The following NOL10 variants were observed in gnomAD, a reference collection of about 807,000 sequenced individuals.
NOL10 encodes the protein H_NH0074G24.1.
In NOL10, 58 loss-of-function variants were observed where a neutral mutation model predicts 103.5. The observed-to-expected ratio is 0.56, with a 90% CI of 0.45 to 0.70. The LOEUF (loss-of-function observed/expected upper bound fraction) is 0.70. Among genes scored for constraint, NOL10 ranks in the 30% least tolerant of loss-of-function variants. The pLI is 0.00. For synonymous variants in NOL10, 287 were observed against 282.5 expected, an observed-to-expected ratio of 1.02 and a Z score of -0.16; for missense variants, 763 against 807.3, an observed-to-expected ratio of 0.95 and a Z score of 0.67.
intron 11 of NOL10, among the ~76,000 whole-genome samples, chr2:10,656,673 G>T (rs1320899284): frequency 6.6e-6 from 1 of 152,258 alleles, no homozygotes; most frequent in East Asian, 1.9e-4. Flanking sequence ...CTGGGCACAG[G>T]CAGCCCCCAC....
chr2:10,588,824 G>C (rs144294632), intron 19 of NOL10, among the ~76,000 whole-genome samples: 3 of 152,292 alleles, frequency 2.0e-5, no homozygotes, highest in Non-Finnish European at 2.9e-5. Context: ...ATCCCCTAGA[G>C]ACCAATGTAC....
At chr2:10,676,826 C>CG (rs1417794716) in intron 3 of NOL10, among the ~76,000 whole-genome samples, 14 of 151,290 alleles carry the variant, frequency 9.3e-5, no homozygotes, top group Non-Finnish European at 1.5e-5. Context: ...TTAGTAGAGA[C>CG]GGGGTATCAC....
At chr2:10,625,196 T>C (rs1677385493) in intron 13 of NOL10, among the ~76,000 whole-genome samples, 1 of 152,198 alleles carries the variant, frequency 6.6e-6, no homozygotes, top group South Asian at 2.1e-4. Flanking sequence ...TATGACCGTG[T>C]ATACATGTCA....
chr2:10,627,186 C>A (rs1677525732), intron 13 of NOL10, among the ~76,000 whole-genome samples: 1 of 152,178 alleles, frequency 6.6e-6, no homozygotes, highest in African/African-American at 2.4e-5. Flanking sequence ...TGCCTTGCTT[C>A]CCAGTTCATA....
At chr2:10,688,268 C>T (rs147979687) in intron 1 of NOL10, among the ~76,000 whole-genome samples, 1 of 152,288 alleles carries the variant, frequency 6.6e-6, no homozygotes, top group Non-Finnish European at 1.5e-5. Context: ...ACATTTGTCG[C>T]ACAGCAGCCC....
At chr2:10,642,435 C>A (rs771674730) in intron 13 of NOL10, among the ~76,000 whole-genome samples, 1 of 152,156 alleles carries the variant, frequency 6.6e-6, no homozygotes, top group African/African-American at 2.4e-5. Context: ...CATTCCCCTG[C>A]GGCAGCAAAA....
At chr2:10,657,657 C>T in intron 11 of NOL10, 85 bp downstream of exon 11, 1 of 1,189,722 alleles carries the variant, frequency 8.4e-7, no homozygotes, top group Non-Finnish European at 1.2e-6. Context: ...CCCAATAACC[C>T]ACATAAAAAA....
chr2:10,677,250 C>A (rs1460707086), intron 3 of NOL10, among the ~76,000 whole-genome samples: 1 of 152,028 alleles, frequency 6.6e-6, no homozygotes, highest in Non-Finnish European at 1.5e-5. Context: ...AACTTTGGCA[C>A]TTTGTAAGGC....
intron 20 of NOL10, among the ~76,000 whole-genome samples, chr2:10,574,017 CAA>C (rs34622987): frequency 0.25 from 37,578 of 152,026 alleles, 6,449 homozygotes; most frequent in African/African-American, 0.45. Flanking sequence ...TGAAACTGTG[CAA>C]AGTTTGGTCC....
chr2:10,665,938 G>A (rs1328642951), intron 8 of NOL10, among the ~76,000 whole-genome samples: 2 of 152,104 alleles, frequency 1.3e-5, no homozygotes, highest in East Asian at 1.9e-4. Flanking sequence ...TTGTTACACT[G>A]GTATATTGCA....
chr2:10,623,576 C>G (rs114123367), intron 13 of NOL10, among the ~76,000 whole-genome samples: 5,033 of 152,294 alleles, frequency 0.033, 288 homozygotes, highest in African/African-American at 0.12. Context: ...TCCTAGGCAG[C>G]AAGGCCCATC....
At chr2:10,599,384 T>A (rs569945997) in intron 17 of NOL10, among the ~76,000 whole-genome samples, 1 of 152,336 alleles carries the variant, frequency 6.6e-6, no homozygotes, top group East Asian at 1.9e-4. Flanking sequence ...TCCCTAATCA[T>A]GCTTAGGCTT....
chr2:10,593,064 C>T (rs1049046673), intron 17 of NOL10, among the ~76,000 whole-genome samples: 1 of 152,062 alleles, frequency 6.6e-6, no homozygotes, highest in African/African-American at 2.4e-5. Context: ...GAGTGGGACG[C>T]CTATTATTAT....
At chr2:10,588,531 G>C (rs1276806469) in intron 19 of NOL10, among the ~76,000 whole-genome samples, 1 of 152,154 alleles carries the variant, frequency 6.6e-6, no homozygotes, top group Non-Finnish European at 1.5e-5. Flanking sequence ...AAGTGAGATG[G>C]GGTAAACATA....
chr2:10,603,872 C>T (rs4470306), intron 14 of NOL10, among the ~76,000 whole-genome samples: 90,021 of 152,084 alleles, frequency 0.59, 27,659 homozygotes, highest in African/African-American at 0.74. Flanking sequence ...CAGAAAAAGA[C>T]TGAGATCTTC....
chr2:10,675,442 A>G (rs2148350003), intron 4 of NOL10, among the ~76,000 whole-genome samples: 1 of 151,572 alleles, frequency 6.6e-6, no homozygotes, highest in East Asian at 1.9e-4. Context: ...TTTATTTTTT[A>G]TTATTTTGGG....
intron 13 of NOL10, among the ~76,000 whole-genome samples, chr2:10,623,340 C>T (rs964404613): frequency 6.6e-6 from 1 of 152,162 alleles, no homozygotes; most frequent in Non-Finnish European, 1.5e-5. Context: ...CCCAAACAGA[C>T]TGAACGGACC....
chr2:10,611,565 T>C (rs1012069138), intron 13 of NOL10, among the ~76,000 whole-genome samples: 1 of 152,232 alleles, frequency 6.6e-6, no homozygotes, highest in African/African-American at 2.4e-5. Context: ...GAGGACTTCC[T>C]GAGCCCAGGA....
At chr2:10,630,616 G>T (rs939599919) in intron 13 of NOL10, among the ~76,000 whole-genome samples, 3 of 152,182 alleles carry the variant, frequency 2.0e-5, no homozygotes, top group Admixed American at 6.5e-5. Context: ...TTGGGAGGCT[G>T]AGGCAGGAGA....
Sources: allele counts gnomAD v4.1 joint callset (sites outside exome capture counted in the v4.1 genomes callset), GRCh38; gene constraint gnomAD v4.1.1; transcripts MANE v1.5; gene names NCBI Gene and HGNC (gene_info 2026-07-23, HGNC 2026-07-21).